NANOS3: variants seen among roughly 807,000 people sequenced by gnomAD.
NANOS3 encodes the protein nanos C2HC-type zinc finger 3, also known as nanos homolog 3.
Under a neutral mutation model 13.8 loss-of-function variants are expected in NANOS3, and 11 were observed. That is an observed-to-expected ratio of 0.80 (90% CI 0.50 to 1.32). The LOEUF is 1.32. Ranked by LOEUF, NANOS3 falls within the 40% of genes most tolerant of loss-of-function variation. NANOS3 has a pLI of 0.00. For missense variants in NANOS3, 221 were observed against 263.8 expected (o/e 0.84, Z 1.12); for synonymous variants, 119 against 115.4 (o/e 1.03, Z -0.20).
intron 1 of NANOS3, among the ~76,000 whole-genome samples, chr19:13,868,647 ACTCTAGC>A (rs1976277881): frequency 6.7e-6 from 1 of 150,312 alleles, no homozygotes; most frequent in South Asian, 2.1e-4. Context: ...GCACCACTGC[ACTCTAGC>A]CTGGGTGACA....
chr19:13,862,453 A>G (rs1421342950), upstream of NANOS3, among the ~76,000 whole-genome samples: 7 of 152,022 alleles, frequency 4.6e-5, no homozygotes, highest in Non-Finnish European at 8.8e-5. Context: ...CAGGAAATTC[A>G]GCGAGCAGGA....
At chr19:13,867,928 TACAC>T (rs1389093731) in intron 1 of NANOS3, among the ~76,000 whole-genome samples, 5 of 152,000 alleles carry the variant, frequency 3.3e-5, no homozygotes, top group East Asian at 1.9e-4. Context: ...AATACTGACA[TACAC>T]ACAGACACAG....
chr19:13,864,052 C>A (rs1015551490), upstream of NANOS3, among the ~76,000 whole-genome samples: 1 of 152,148 alleles, frequency 6.6e-6, no homozygotes, highest in Non-Finnish European at 1.5e-5. Context: ...TCTGTCAGCT[C>A]AGCCCGGGCC....
At chr19:13,877,795 G>T in intron 1 of NANOS3, 30 bp downstream of exon 1, 1 of 1,527,444 alleles carries the variant, frequency 6.5e-7, no homozygotes, top group Non-Finnish European at 8.8e-7. Flanking sequence ...GGGGGGACCT[G>T]TCCGAGGGTA....
At chr19:13,862,452 C>T (rs1406218079), upstream of NANOS3, among the ~76,000 whole-genome samples, 2 of 152,184 alleles carry the variant, frequency 1.3e-5, no homozygotes, top group African/African-American at 4.8e-5. Flanking sequence ...GCAGGAAATT[C>T]AGCGAGCAGG....
intron 1 of NANOS3, among the ~76,000 whole-genome samples, chr19:13,865,800 G>T (rs1568361312): frequency 6.8e-6 from 1 of 146,490 alleles, no homozygotes; most frequent in Non-Finnish European, 1.5e-5. Context: ...GGACAGCGGC[G>T]CCCCGACCGC....
At chr19:13,866,192 C>G (rs1474143841) in intron 1 of NANOS3, among the ~76,000 whole-genome samples, 1 of 152,158 alleles carries the variant, frequency 6.6e-6, no homozygotes, top group Non-Finnish European at 1.5e-5. Context: ...AAAATGGCCC[C>G]GAATCCCACT....
At chr19:13,863,327 A>G (rs559179049), upstream of NANOS3, among the ~76,000 whole-genome samples, 1 of 152,152 alleles carries the variant, frequency 6.6e-6, no homozygotes, top group East Asian at 1.9e-4. Flanking sequence ...CTTTTGCTTC[A>G]GCCTCCCAAG....
At chr19:13,870,827 G>A (rs764176961) in intron 1 of NANOS3, among the ~76,000 whole-genome samples, 4 of 151,436 alleles carry the variant, frequency 2.6e-5, no homozygotes, top group Non-Finnish European at 4.4e-5. Flanking sequence ...TGATCTGCCC[G>A]CCTCGGCCTC....
intron 1 of NANOS3, among the ~76,000 whole-genome samples, chr19:13,866,495 C>G (rs1568361634): frequency 6.6e-6 from 1 of 152,220 alleles, no homozygotes. Context: ...GATTAATACG[C>G]AGTCGAAAGT....
intron 1 of NANOS3, among the ~76,000 whole-genome samples, chr19:13,867,677 T>C (rs1976263299): frequency 6.6e-6 from 1 of 152,006 alleles, no homozygotes; most frequent in Non-Finnish European, 1.5e-5. Flanking sequence ...TCCTCCCACA[T>C]TAGCCTCCCG....
Position 13,878,217 on chromosome 19 carries a change from G to A in NANOS3, c.517+452G>A, listed in dbSNP as rs145559741. 4.9e-3 allele frequency among the ~76,000 whole-genome samples: 712 copies of A among 146,800 alleles called. 3 individuals are homozygous for A. The highest frequency in any genetic ancestry group is 0.015 in the African/African-American group (592 of 39,506). On this transcript the variant is annotated intron_variant, in intron 1 of 1. Coordinates refer to ENST00000339133, the MANE Select transcript of NANOS3 (RefSeq NM_001098622.3). ...TGCTGAGATTACAGGCGTGAGCACC[G>A]CACCGAGCCAGTTTGTTTATGTATT...
chr19:13,863,290 G>T (rs1232690749), upstream of NANOS3, among the ~76,000 whole-genome samples: 1 of 152,020 alleles, frequency 6.6e-6, no homozygotes, highest in African/African-American at 2.4e-5. Flanking sequence ...GCTCATTGTA[G>T]CCTTGAACTC....
upstream of NANOS3, chr19:13,874,769 C>T (rs757723823): frequency 7.5e-6 from 4 of 534,290 alleles, no homozygotes; most frequent in South Asian, 2.8e-5. Flanking sequence ...GGCAAACCAT[C>T]GACCGTTGAG....
chr19:13,862,349 G>A (rs950209155), upstream of NANOS3, among the ~76,000 whole-genome samples: 1 of 152,026 alleles, frequency 6.6e-6, no homozygotes, highest in Non-Finnish European at 1.5e-5. Context: ...TGGCGGGGAG[G>A]AGGGGGAGGA....
chr19:13,870,121 TCTCA>T (rs1976304192), intron 1 of NANOS3, among the ~76,000 whole-genome samples: 1 of 151,474 alleles, frequency 6.6e-6, no homozygotes, highest in Admixed American at 6.6e-5. Flanking sequence ...CGTGACTGCG[TCTCA>T]CTCACTGCAG....
chr19:13,875,193 T>G (rs1418230894), upstream of NANOS3, among the ~76,000 whole-genome samples: 1 of 151,722 alleles, frequency 6.6e-6, no homozygotes, highest in African/African-American at 2.4e-5. Flanking sequence ...ATCCCCTTTT[T>G]TTTTTTTTTT....
At chr19:13,879,397 C>A (rs566665499) in intron 1 of NANOS3, among the ~76,000 whole-genome samples, 2 of 152,178 alleles carry the variant, frequency 1.3e-5, no homozygotes, top group South Asian at 4.1e-4. Context: ...GAGAGGACGA[C>A]CCCTCCCAAC....
chr19:13,879,723 G>A (rs902559356), intron 1 of NANOS3, among the ~76,000 whole-genome samples: 8 of 128,248 alleles, frequency 6.2e-5, no homozygotes, highest in Non-Finnish European at 1.2e-4. Flanking sequence ...GCAAGACCTC[G>A]TCTTAAAAAA....
Sources: gnomAD v4.1 joint callset for allele counts (sites outside exome capture counted in the v4.1 genomes callset) on GRCh38, gnomAD v4.1.1 for gene constraint, MANE v1.5 for transcripts, NCBI Gene and HGNC (gene_info 2026-07-23, HGNC 2026-07-21) for gene names.